C5orf58: variants seen among roughly 807,000 people sequenced by gnomAD.
C5orf58 encodes the protein chromosome 5 open reading frame 58.
A neutral mutation model predicts 2.9 loss-of-function variants in C5orf58; 2 were observed. That is an observed-to-expected ratio of 0.69 (90% CI 0.28 to 2.18). The LOEUF is 2.18. Ranked by LOEUF, C5orf58 falls within the 30% of genes most tolerant of loss-of-function variation. The probability of loss-of-function intolerance (pLI) is 0.13; values close to 1 mark genes in which losing one functional copy is unlikely to be tolerated. For synonymous variants in C5orf58, 37 were observed against 33.4 expected (o/e 1.11, Z -0.37); for missense variants, 96 against 91.7 (o/e 1.05, Z -0.19).
At chr5:170,239,083 G>A (rs1195174940) in intron 3 of C5orf58, among the ~76,000 whole-genome samples, 1 of 152,172 alleles carries the variant, frequency 6.6e-6, no homozygotes, top group Non-Finnish European at 1.5e-5. Context: ...CAGGAGAGGA[G>A]AGACGTTTAA....
downstream of C5orf58, among the ~76,000 whole-genome samples, chr5:170,250,393 G>A (rs530773006): frequency 6.6e-6 from 1 of 152,288 alleles, no homozygotes; most frequent in Non-Finnish European, 1.5e-5. Flanking sequence ...TTAAAATGCA[G>A]CCTACGTTAA....
At chr5:170,247,727 G>A (rs964011867), downstream of C5orf58, 1 of 152,194 alleles carries the variant, frequency 6.6e-6, no homozygotes, top group African/African-American at 2.4e-5. Context: ...CTGTCAGGGG[G>A]ATAACAAGAG....
At chr5:170,246,495 A>G (rs1222296051), downstream of C5orf58, 1 of 160,934 alleles carries the variant, frequency 6.2e-6, no homozygotes, top group Non-Finnish European at 1.4e-5. Flanking sequence ...GGAAGCACAT[A>G]GTTGGAATAG....
downstream of C5orf58, among the ~76,000 whole-genome samples, chr5:170,250,269 G>A (rs938903023): frequency 6.6e-6 from 1 of 152,118 alleles, no homozygotes; most frequent in Non-Finnish European, 1.5e-5. Context: ...TTTCTTTGGC[G>A]ATCTGGCCAT....
intron 3 of C5orf58, chr5:170,237,485 CAAA>C (rs1760792126): frequency 5.2e-6 from 2 of 388,272 alleles, no homozygotes; most frequent in Middle Eastern, 1.3e-3. Flanking sequence ...TTTAAAGAGA[CAAA>C]AATCCACAAG....
At chr5:170,250,871 C>T (rs762494899), downstream of C5orf58, 2 of 1,613,332 alleles carry the variant, frequency 1.2e-6, no homozygotes, top group East Asian at 4.5e-5. Flanking sequence ...TGTCTCTGAC[C>T]AGAAATGTGC....
In C5orf58 at chr5:170,232,985, G is replaced by A; in HGVS notation, c.-107G>A. 7.1e-6 allele frequency: 7 copies of A among 985,422 alleles called. No individual in the cohort carries two copies. Among genetic ancestry groups the A allele is most frequent in the Middle Eastern group, 5.2e-4 (1 of 1,916 alleles). The allele number at this position is 985,422 out of a possible 1,614,324, so 61.0% of individuals were successfully genotyped here. ...CACCGTCGGCTCCCTGCTCCTGTCA[G>A]AACCTCGGTGACGGTTGGCCAGGTG... On this transcript the variant is annotated 5_prime_UTR_variant, in exon 1 of 4. Transcript: ENST00000593851.
chr5:170,238,887 C>T (rs1760855581), intron 3 of C5orf58, among the ~76,000 whole-genome samples: 1 of 152,106 alleles, frequency 6.6e-6, no homozygotes, highest in Non-Finnish European at 1.5e-5. Flanking sequence ...AGTTACTGAG[C>T]CTATATGTCA....
chr5:170,246,709 C>T (rs559903067), downstream of C5orf58: 1 of 152,568 alleles, frequency 6.6e-6, no homozygotes, highest in Non-Finnish European at 1.5e-5. Flanking sequence ...GTTTAACATT[C>T]CAGAGAGTGA....
intron 3 of C5orf58, among the ~76,000 whole-genome samples, chr5:170,235,783 G>A (rs1340220242): frequency 6.6e-6 from 1 of 152,042 alleles, no homozygotes; most frequent in Non-Finnish European, 1.5e-5. Flanking sequence ...CAACTCTTGG[G>A]TATTTAAAGA....
chr5:170,237,313 G>C (rs926098096), intron 3 of C5orf58: 71 of 398,360 alleles, frequency 1.8e-4, no homozygotes, highest in Non-Finnish European at 3.0e-4. Context: ...CATAATCCAG[G>C]ACTCTTCTAA....
At chr5:170,247,636 C>T (rs890527506), downstream of C5orf58, 3 of 152,140 alleles carry the variant, frequency 2.0e-5, no homozygotes, top group African/African-American at 7.2e-5. Flanking sequence ...TATTTGTAAA[C>T]TGGAGGAAAG....
intron 2 of C5orf58, 148 bp from the exon 3 acceptor site, chr5:170,234,829 T>C (rs551597672): frequency 1.2e-4 from 58 of 483,824 alleles, no homozygotes; most frequent in African/African-American, 1.1e-3. Context: ...TAATGCCTTT[T>C]GATGTTAGAA....
intron 1 of C5orf58, chr5:170,233,632 A>ACC (rs1294785580): frequency 6.4e-6 from 1 of 157,006 alleles, no homozygotes. Flanking sequence ...CTGGCTTCTG[A>ACC]CCCCCCATTC....
downstream of C5orf58, chr5:170,248,605 C>T (rs911900178): frequency 4.7e-5 from 65 of 1,389,130 alleles, no homozygotes; most frequent in Non-Finnish European, 6.4e-5. Context: ...GGGTTCAGTT[C>T]AGTCCTAAGT....
In C5orf58 at chr5:170,241,838, G is replaced by A. The variant is rs879584903; in HGVS notation, c.95-4124G>A. 2.2e-3 allele frequency among the ~76,000 whole-genome samples: 334 copies of A among 151,098 alleles called. 3 individuals are homozygous for A. The highest frequency in any genetic ancestry group is 7.8e-3 in the African/African-American group (320 of 41,076). On this transcript the variant is annotated intron_variant, in intron 3 of 3. Coordinates refer to ENST00000593851, the MANE Select transcript of C5orf58 (RefSeq NM_001102609.3). ...TGTTGAATAGGACTGGTGAGAGAGG[G>A]CATCCCTGTCTTGTGCCAGTTTTCA...
chr5:170,234,717 C>G (rs1581033265), intron 2 of C5orf58, among the ~76,000 whole-genome samples: 2 of 152,182 alleles, frequency 1.3e-5, no homozygotes, highest in Admixed American at 1.3e-4. Context: ...TCTTCATTTC[C>G]ATTGTAAGCC....
chr5:170,250,701 G>A (rs774658217), downstream of C5orf58: 4 of 1,595,186 alleles, frequency 2.5e-6, no homozygotes, highest in South Asian at 4.4e-5. Flanking sequence ...TAAAGACTTT[G>A]GGAAAATGTC....
downstream of C5orf58, chr5:170,248,262 G>A (rs936538726): frequency 6.5e-6 from 1 of 154,382 alleles, no homozygotes; most frequent in Non-Finnish European, 1.4e-5. Context: ...CAAATTACAT[G>A]TATAAAACTA....
Sources: gnomAD v4.1 joint callset for allele counts (sites outside exome capture counted in the v4.1 genomes callset) on GRCh38, gnomAD v4.1.1 for gene constraint, MANE v1.5 for transcripts, NCBI Gene and HGNC (gene_info 2026-07-23, HGNC 2026-07-21) for gene names.